Variants in CAMKMT observed in about 807,000 individuals in gnomAD.
The protein encoded by CAMKMT is calmodulin-lysine N-methyltransferase.
A neutral mutation model predicts 48.0 loss-of-function variants in CAMKMT; 53 were observed. The ratio of observed to expected loss-of-function variants is 1.10; its 90% confidence interval spans 0.89 to 1.39. The LOEUF is 1.39. Ranked by LOEUF, CAMKMT falls within the 40% of genes most tolerant of loss-of-function variation. The probability of loss-of-function intolerance (pLI) is 0.00; values close to 1 mark genes in which losing one functional copy is unlikely to be tolerated. For synonymous variants in CAMKMT, 165 were observed against 152.3 expected, an observed-to-expected ratio of 1.08 and a Z score of -0.61; for missense variants, 428 against 402.7, an observed-to-expected ratio of 1.06 and a Z score of -0.54.
chr2:44,418,012 C>T (rs189781912), intron 3 of CAMKMT, among the ~76,000 whole-genome samples: 362 of 151,996 alleles, frequency 2.4e-3, no homozygotes, highest in East Asian at 7.0e-3. Flanking sequence ...ACCAACATGG[C>T]GAAACCCCAT....
chr2:44,620,996 C>T (rs1442831589), intron 3 of CAMKMT, among the ~76,000 whole-genome samples: 1 of 152,148 alleles, frequency 6.6e-6, no homozygotes, highest in Admixed American at 6.5e-5. Flanking sequence ...AGGCCGGGTG[C>T]GGTGGCTCAC....
chr2:44,757,767 T>C (rs1033787614), intron 9 of CAMKMT, among the ~76,000 whole-genome samples: 1 of 152,148 alleles, frequency 6.6e-6, no homozygotes, highest in Admixed American at 6.5e-5. Flanking sequence ...TTCACCTATG[T>C]TGATCAGGCT....
intron 3 of CAMKMT, among the ~76,000 whole-genome samples, chr2:44,391,235 A>T (rs774038789): frequency 6.6e-6 from 1 of 152,178 alleles, no homozygotes; most frequent in Non-Finnish European, 1.5e-5. Context: ...CCACATTATG[A>T]TAAGCTTTTG....
At chr2:44,400,993 C>G (rs1437522628) in intron 3 of CAMKMT, 1 of 142,144 alleles carries the variant, frequency 7.0e-6, no homozygotes, top group South Asian at 2.2e-4. Flanking sequence ...TTAACTTGTT[C>G]TTCATTTGGT....
intron 3 of CAMKMT, among the ~76,000 whole-genome samples, chr2:44,485,793 A>G (rs1290565224): frequency 6.6e-6 from 1 of 152,198 alleles, no homozygotes; most frequent in Non-Finnish European, 1.5e-5. Context: ...TGACTATACT[A>G]TATGATTCCA....
chr2:44,523,118 CT>C (rs1671206810), intron 3 of CAMKMT, among the ~76,000 whole-genome samples: 2 of 151,812 alleles, frequency 1.3e-5, no homozygotes, highest in Admixed American at 1.3e-4. Flanking sequence ...GAAATTTGTT[CT>C]GGTTAGCTTT....
intron 3 of CAMKMT, among the ~76,000 whole-genome samples, chr2:44,458,042 CTTTTTTTTTTT>C (rs541348745): frequency 1.6e-4 from 12 of 75,396 alleles, no homozygotes. Flanking sequence ...AGCTTTGTGA[CTTTTTTTTTTT>C]TTTTTTTTTT....
chr2:44,609,678 A>G (rs935506113), intron 3 of CAMKMT, among the ~76,000 whole-genome samples: 1 of 152,182 alleles, frequency 6.6e-6, no homozygotes, highest in Non-Finnish European at 1.5e-5. Flanking sequence ...TGAAATTACA[A>G]ACTTTGTTCT....
chr2:44,757,080 G>A (rs1380569774), intron 9 of CAMKMT, among the ~76,000 whole-genome samples: 1 of 152,242 alleles, frequency 6.6e-6, no homozygotes, highest in Non-Finnish European at 1.5e-5. Context: ...ATTTACATAT[G>A]TATAAATCCT....
intron 3 of CAMKMT, among the ~76,000 whole-genome samples, chr2:44,411,262 G>T (rs938536799): frequency 2.0e-5 from 3 of 152,140 alleles, no homozygotes; most frequent in African/African-American, 7.2e-5. Context: ...GCATTCATTC[G>T]TTTACTCATT....
intron 3 of CAMKMT, among the ~76,000 whole-genome samples, chr2:44,490,705 A>G (rs1669455400): frequency 2.0e-5 from 3 of 152,200 alleles, no homozygotes; most frequent in Non-Finnish European, 4.4e-5. Context: ...ATTTTACTAG[A>G]TGAACAGTAT....
intron 9 of CAMKMT, among the ~76,000 whole-genome samples, chr2:44,755,960 C>T (rs376089948): frequency 1.3e-5 from 2 of 152,086 alleles, no homozygotes; most frequent in African/African-American, 4.8e-5. Flanking sequence ...TCACTTAGGC[C>T]CCTCTTGGAA....
At chr2:44,411,640 A>C (rs1683208741) in intron 3 of CAMKMT, among the ~76,000 whole-genome samples, 1 of 152,200 alleles carries the variant, frequency 6.6e-6, no homozygotes. Flanking sequence ...AGTATATTGA[A>C]TATGCAAATA....
intron 3 of CAMKMT, among the ~76,000 whole-genome samples, chr2:44,596,239 A>G (rs1670650647): frequency 6.6e-6 from 1 of 152,072 alleles, no homozygotes; most frequent in Non-Finnish European, 1.5e-5. Context: ...ACTTCAGGTC[A>G]GGAGTTCGAG....
chr2:44,456,822 C>T, intron 3 of CAMKMT: 1 of 476,222 alleles, frequency 2.1e-6, no homozygotes, highest in Non-Finnish European at 3.6e-6. Flanking sequence ...ATTTCTCCTT[C>T]TCCAGCCCAA....
chr2:44,558,694 T>A (rs1317707627), intron 3 of CAMKMT, among the ~76,000 whole-genome samples: 1 of 152,128 alleles, frequency 6.6e-6, no homozygotes, highest in Non-Finnish European at 1.5e-5. Context: ...GAAAATCAAA[T>A]GTCACATGTT....
At chr2:44,579,601 A>G (rs994464897) in intron 3 of CAMKMT, among the ~76,000 whole-genome samples, 1 of 152,232 alleles carries the variant, frequency 6.6e-6, no homozygotes, top group Non-Finnish European at 1.5e-5. Context: ...ATTACTGCCC[A>G]CAAAAGGTTT....
chr2:44,722,237 TG>T (rs1337612540), intron 7 of CAMKMT, among the ~76,000 whole-genome samples: 1 of 151,420 alleles, frequency 6.6e-6, no homozygotes, highest in African/African-American at 2.4e-5. Context: ...TACACATTTT[TG>T]TGACAAGTTT....
Position 44,621,216 on chromosome 2 carries a change from G to A in CAMKMT, c.377-83067G>A, listed in dbSNP as rs553851688. On this transcript the variant is annotated intron_variant, in intron 3 of 10. Coordinates refer to ENST00000378494, the MANE Select transcript of CAMKMT (RefSeq NM_024766.5). ...CCGGAGGCGGAGCTTGCAGTGAGAC[G>A]AGATCGCACCACTGCACTCCAGCCT... 2.1e-3 allele frequency among the ~76,000 whole-genome samples: 287 copies of A among 135,252 alleles called. 1 individual carries two copies. Among genetic ancestry groups the A allele is most frequent in the African/African-American group, 7.4e-3 (266 of 35,864 alleles). The allele number at this position is 135,252 out of a possible 152,430, so 88.7% of individuals were successfully genotyped here.
Sources: gnomAD v4.1 joint callset for allele counts (sites outside exome capture counted in the v4.1 genomes callset) on GRCh38, gnomAD v4.1.1 for gene constraint, MANE v1.5 for transcripts, NCBI Gene and HGNC (gene_info 2026-07-23, HGNC 2026-07-21) for gene names.